MICAL2: variants seen among roughly 807,000 people sequenced by gnomAD.
MICAL2 encodes [F-actin]-monooxygenase MICAL2.
In MICAL2, 77 loss-of-function variants were observed where a neutral mutation model predicts 127.3. The observed-to-expected ratio is 0.60, with a 90% CI of 0.50 to 0.73. The LOEUF is 0.73. Ranked by LOEUF, MICAL2 falls within the 30% of genes least tolerant of loss-of-function variation. The pLI, the probability that MICAL2 is intolerant of heterozygous loss-of-function variation, is 0.00. For synonymous variants in MICAL2, 570 were observed against 551.1 expected, an observed-to-expected ratio of 1.03 and a Z score of -0.48; for missense variants, 1,351 against 1,434.4, an observed-to-expected ratio of 0.94 and a Z score of 0.94.
At chr11:12,257,139 G>A (rs2134664363) in intron 24 of MICAL2, 168 bp downstream of exon 24, 1 of 724,802 alleles carries the variant, frequency 1.4e-6, no homozygotes, top group Non-Finnish European at 2.1e-6. Flanking sequence ...CTGCTAGAAG[G>A]GGAGGCTGCC....
chr11:12,246,141 C>T (rs899352398), intron 21 of MICAL2, among the ~76,000 whole-genome samples: 12 of 152,202 alleles, frequency 7.9e-5, no homozygotes, highest in South Asian at 2.1e-4. Flanking sequence ...TGGTTTCCAC[C>T]GGGCATTAGA....
chr11:12,301,897 G>T (rs1381421018), intron 29 of MICAL2, among the ~76,000 whole-genome samples: 1 of 152,290 alleles, frequency 6.6e-6, no homozygotes, highest in African/African-American at 2.4e-5. Context: ...CTGAGTTGTA[G>T]GAGATACACA....
At position 12,213,028 on chromosome 11, in the gene MICAL2, T is replaced by C. The variant is rs538150756; in HGVS notation, c.692-227T>C. Among the ~76,000 whole-genome samples the C allele has an allele frequency of 4.6e-5, 7 of 152,324 alleles. No homozygotes were observed. In the South Asian group the frequency reaches 8.3e-4, roughly 18 times the overall value. ...GAAGGATCGCTTTTCCTTTTGTTTA[T>C]TGAAGCCTAACCAGGTCCTGTAGAT... On this transcript the variant is annotated intron_variant, in intron 6 of 27. Transcript: ENST00000683283.
chr11:12,135,613 A>T (rs567473162), intron 1 of MICAL2, among the ~76,000 whole-genome samples: 1 of 152,354 alleles, frequency 6.6e-6, no homozygotes, highest in East Asian at 1.9e-4. Context: ...TGAGGCTCAC[A>T]GAGATGATGT....
intron 32 of MICAL2, among the ~76,000 whole-genome samples, chr11:12,349,352 G>A (rs963627130): frequency 6.6e-6 from 1 of 152,126 alleles, no homozygotes; most frequent in African/African-American, 2.4e-5. Context: ...ATGCCAGTCA[G>A]CACTCCTCTG....
At chr11:12,332,534 G>A (rs1362634789) in intron 32 of MICAL2, among the ~76,000 whole-genome samples, 1 of 152,186 alleles carries the variant, frequency 6.6e-6, no homozygotes, top group Non-Finnish European at 1.5e-5. Flanking sequence ...CCACAACTAT[G>A]TAGGTGCAAA....
intron 2 of MICAL2, among the ~76,000 whole-genome samples, chr11:12,157,060 G>A (rs1854269684): frequency 1.3e-5 from 2 of 152,218 alleles, no homozygotes; most frequent in African/African-American, 4.8e-5. Context: ...CCTCAAGGGT[G>A]GGTTGAAAAA....
intron 7 of MICAL2, among the ~76,000 whole-genome samples, chr11:12,214,344 G>A (rs1318674443): frequency 6.6e-6 from 1 of 152,190 alleles, no homozygotes; most frequent in Admixed American, 6.5e-5. Flanking sequence ...CACGAGAATA[G>A]TCTTCAGACT....
chr11:12,246,555 T>A (rs1860770451), intron 21 of MICAL2, among the ~76,000 whole-genome samples: 1 of 152,242 alleles, frequency 6.6e-6, no homozygotes, highest in Non-Finnish European at 1.5e-5. Context: ...TCCACCAATG[T>A]CACTCCAAAA....
At position 12,181,817 on chromosome 11, in the gene MICAL2, T is replaced by C. The variant is rs143407694; in HGVS notation, c.264+19398T>C. On this transcript the variant is annotated intron_variant, in intron 3 of 27. Transcript: ENST00000683283. The stretch of plus-strand genomic sequence containing the variant: ...AACTGTCCCCCATGCTGGGGATTCA[T>C]GGTAGTGCTAGTCTGGTACACGGAT... 4.8e-3 allele frequency among the ~76,000 whole-genome samples: 725 copies of C among 152,372 alleles called. 5 individuals carry two copies. The highest frequency in any genetic ancestry group is 0.03 in the South Asian group (147 of 4,828).
At chr11:12,235,781 C>G (rs1263780668) in intron 15 of MICAL2, among the ~76,000 whole-genome samples, 1 of 152,176 alleles carries the variant, frequency 6.6e-6, no homozygotes, top group African/African-American at 2.4e-5. Context: ...CATCAGCAGA[C>G]CTGGCTGTGG....
chr11:12,130,520 T>C (rs373842767), intron 1 of MICAL2, among the ~76,000 whole-genome samples: 15 of 152,210 alleles, frequency 9.9e-5, no homozygotes, highest in Admixed American at 8.5e-4. Flanking sequence ...GTTAAACTCC[T>C]TGGAGTTGTT....
chr11:12,172,563 T>C (rs1192710858), intron 3 of MICAL2, among the ~76,000 whole-genome samples: 1 of 152,162 alleles, frequency 6.6e-6, no homozygotes, highest in Non-Finnish European at 1.5e-5. Flanking sequence ...TCTCAGTTGA[T>C]ATTAGTGTTG....
At chr11:12,305,301 G>C (rs536662033) in intron 29 of MICAL2, among the ~76,000 whole-genome samples, 2 of 152,244 alleles carry the variant, frequency 1.3e-5, no homozygotes, top group East Asian at 3.9e-4. Flanking sequence ...AAAGCGGGAA[G>C]ACCCCCTTAT....
chr11:12,140,026 C>T (rs1389410672), intron 2 of MICAL2, among the ~76,000 whole-genome samples: 1 of 152,142 alleles, frequency 6.6e-6, no homozygotes, highest in African/African-American at 2.4e-5. Flanking sequence ...TTGCAACTTC[C>T]TGGACTTGAG....
chr11:12,311,225 G>A (rs1028192746), intron 29 of MICAL2, among the ~76,000 whole-genome samples: 9 of 152,144 alleles, frequency 5.9e-5, no homozygotes, highest in African/African-American at 2.2e-4. Context: ...ATATTTGAAT[G>A]TTAAATCATT....
chr11:12,312,338 C>CTT (rs141672182), intron 29 of MICAL2, among the ~76,000 whole-genome samples: 8 of 142,378 alleles, frequency 5.6e-5, no homozygotes, highest in Non-Finnish European at 7.7e-5. Context: ...CATTTCTCAA[C>CTT]TTTTTTTTTT....
At chr11:12,358,744 T>A (rs529442301), downstream of MICAL2, 53 of 259,866 alleles carry the variant, frequency 2.0e-4, no homozygotes, top group South Asian at 1.5e-3. Context: ...TGTTGGCAGA[T>A]GACCAGCATT....
chr11:12,294,458 C>G, downstream of MICAL2: 1 of 1,614,222 alleles, frequency 6.2e-7, no homozygotes, highest in South Asian at 1.1e-5. Flanking sequence ...TGACCCTGCC[C>G]TCCGCACCCA....
Sources: gnomAD v4.1 joint callset for allele counts (sites outside exome capture counted in the v4.1 genomes callset) on GRCh38, gnomAD v4.1.1 for gene constraint, MANE v1.5 for transcripts, NCBI Gene and HGNC (gene_info 2026-07-23, HGNC 2026-07-21) for gene names.